FHIT: variants seen among roughly 807,000 people sequenced by gnomAD.
FHIT encodes the protein fragile histidine triad diadenosine triphosphatase.
In FHIT, 19 loss-of-function variants were observed where a neutral mutation model predicts 17.9. The observed-to-expected ratio is 1.06, with a 90% CI of 0.74 to 1.56. The LOEUF (loss-of-function observed/expected upper bound fraction) is 1.56. FHIT is among the 40% of genes most tolerant of loss of function. The pLI, the probability that FHIT is intolerant of heterozygous loss-of-function variation, is 0.00. For missense variants in FHIT, 248 were observed against 189.2 expected, an observed-to-expected ratio of 1.31 and a Z score of -1.82; for synonymous variants, 81 against 69.7, an observed-to-expected ratio of 1.16 and a Z score of -0.81.
intron 5 of FHIT, among the ~76,000 whole-genome samples, chr3:60,372,743 T>C (rs1353550622): frequency 6.6e-6 from 1 of 152,352 alleles, no homozygotes; most frequent in East Asian, 1.9e-4. Flanking sequence ...GGATGTCTTT[T>C]ATTTCTTCCT....
chr3:60,654,053 G>T (rs566782249), intron 4 of FHIT, among the ~76,000 whole-genome samples: 1 of 152,094 alleles, frequency 6.6e-6, no homozygotes, highest in South Asian at 2.1e-4. Context: ...TTAAAATTGT[G>T]TAGCACCTCG....
At chr3:60,911,778 G>C (rs1706757651) in intron 3 of FHIT, among the ~76,000 whole-genome samples, 1 of 152,134 alleles carries the variant, frequency 6.6e-6, no homozygotes, top group Admixed American at 6.5e-5. Flanking sequence ...AGTAGCTTCT[G>C]TCTGACAAAT....
chr3:60,569,290 G>T (rs970733033), intron 4 of FHIT, among the ~76,000 whole-genome samples: 1 of 151,994 alleles, frequency 6.6e-6, no homozygotes, highest in Non-Finnish European at 1.5e-5. Context: ...TACTTCTAAG[G>T]ATACCTCCTG....
At chr3:59,955,300 G>A (rs1707337208) in intron 7 of FHIT, among the ~76,000 whole-genome samples, 1 of 152,140 alleles carries the variant, frequency 6.6e-6, no homozygotes, top group Admixed American at 6.5e-5. Flanking sequence ...CCCGGCACCG[G>A]CTCCTGGGAT....
chr3:60,396,043 T>A (rs1354215441), intron 5 of FHIT, among the ~76,000 whole-genome samples: 2 of 152,082 alleles, frequency 1.3e-5, no homozygotes, highest in Non-Finnish European at 2.9e-5. Flanking sequence ...GCCTTCTACC[T>A]ACCAGGCACC....
At chr3:59,981,862 T>C (rs968940528) in intron 7 of FHIT, among the ~76,000 whole-genome samples, 4 of 152,166 alleles carry the variant, frequency 2.6e-5, no homozygotes, top group African/African-American at 9.6e-5. Flanking sequence ...ATGTGGTTAA[T>C]TTAAAATTGT....
At chr3:60,570,295 C>T (rs543049430) in intron 4 of FHIT, among the ~76,000 whole-genome samples, 7 of 152,152 alleles carry the variant, frequency 4.6e-5, no homozygotes, top group South Asian at 2.1e-4. Flanking sequence ...ATACTGAGGA[C>T]GAATTTAATG....
intron 5 of FHIT, among the ~76,000 whole-genome samples, chr3:60,204,938 C>CA (rs1261342233): frequency 1.3e-5 from 2 of 151,446 alleles, no homozygotes; most frequent in African/African-American, 4.9e-5. Context: ...CCAAAAAAAA[C>CA]AAAAAAATCT....
At chr3:60,229,650 A>C (rs1400038181) in intron 5 of FHIT, among the ~76,000 whole-genome samples, 1 of 152,144 alleles carries the variant, frequency 6.6e-6, no homozygotes, top group Non-Finnish European at 1.5e-5. Flanking sequence ...GCTGAGAAAA[A>C]ACATTATGTA....
At chr3:60,992,512 A>T (rs1001378465) in intron 3 of FHIT, among the ~76,000 whole-genome samples, 4 of 152,220 alleles carry the variant, frequency 2.6e-5, no homozygotes, top group Non-Finnish European at 5.9e-5. Flanking sequence ...GGAGCCAGTT[A>T]ATTTCCAAAG....
intron 5 of FHIT, among the ~76,000 whole-genome samples, chr3:60,429,754 T>C (rs983457508): frequency 6.6e-6 from 1 of 152,062 alleles, no homozygotes; most frequent in East Asian, 1.9e-4. Context: ...TAATTTTATG[T>C]ATAATAGTTG....
chr3:61,027,317 C>T (rs1305568033), intron 3 of FHIT, among the ~76,000 whole-genome samples: 3 of 152,134 alleles, frequency 2.0e-5, no homozygotes, highest in African/African-American at 4.8e-5. Context: ...GAACTCCTGA[C>T]CTCAGGTGAT....
chr3:60,019,433 C>T (rs116402111), intron 5 of FHIT, among the ~76,000 whole-genome samples: 43,096 of 103,848 alleles, frequency 0.41, 7,281 homozygotes, highest in East Asian at 0.61. Flanking sequence ...TTTTTTTTTT[C>T]CTGAGATGGA....
intron 5 of FHIT, among the ~76,000 whole-genome samples, chr3:60,130,104 C>G (rs370652965): frequency 6.6e-6 from 1 of 152,112 alleles, no homozygotes; most frequent in Non-Finnish European, 1.5e-5. Flanking sequence ...CCCATGGAAT[C>G]AATTCTACCG....
intron 5 of FHIT, among the ~76,000 whole-genome samples, chr3:60,301,882 G>A (rs1708471399): frequency 6.6e-6 from 1 of 151,954 alleles, no homozygotes; most frequent in African/African-American, 2.4e-5. Flanking sequence ...CATTTCCTCA[G>A]AAATTTTAAA....
intron 4 of FHIT, among the ~76,000 whole-genome samples, chr3:60,797,451 ATTGCAGTAGTAG>A: frequency 8.6e-6 from 1 of 115,686 alleles, no homozygotes; most frequent in African/African-American, 3.5e-5. Context: ...GCATAAAGAA[ATTGCAGTAGTAG>A]TAGTAGTAGT....
chr3:60,067,340 GAATGAATGAATGAATA>G (rs1290037997), intron 5 of FHIT, among the ~76,000 whole-genome samples: 1 of 151,996 alleles, frequency 6.6e-6, no homozygotes, highest in African/African-American at 2.4e-5. Context: ...ATGAATGAAT[GAATGAATGAATGAATA>G]AGCACACATA....
intron 7 of FHIT, among the ~76,000 whole-genome samples, chr3:59,947,776 C>T (rs1575745992): frequency 6.6e-6 from 1 of 152,300 alleles, no homozygotes; most frequent in East Asian, 1.9e-4. Flanking sequence ...CTGGCCAAAG[C>T]ACTTCACTGG....
At chr3:60,995,900 A>G (rs1460546832) in intron 3 of FHIT, among the ~76,000 whole-genome samples, 1 of 152,220 alleles carries the variant, frequency 6.6e-6, no homozygotes, top group African/African-American at 2.4e-5. Flanking sequence ...TTACACCTGA[A>G]AAATTAAAAT....
Sources: allele counts gnomAD v4.1 joint callset (sites outside exome capture counted in the v4.1 genomes callset), GRCh38; gene constraint gnomAD v4.1.1; transcripts MANE v1.5; gene names NCBI Gene and HGNC (gene_info 2026-07-23, HGNC 2026-07-21).